Variants in DUS2 observed in about 807,000 individuals in gnomAD.
DUS2 encodes dihydrouridine synthase 2, also known as tRNA-dihydrouridine(20) synthase [NAD(P)+]-like.
DUS2 carries 52 observed loss-of-function variants against 71.3 expected under a neutral mutation model. The ratio of observed to expected loss-of-function variants is 0.73; its 90% CI spans 0.58 to 0.92. The LOEUF is 0.92. Among genes scored for constraint, DUS2 ranks in the 40% least tolerant of loss-of-function variants. DUS2 has a pLI of 0.00. For missense variants in DUS2, 558 were observed against 622.6 expected (o/e 0.90, Z 1.10); for synonymous variants, 204 against 227.8 (o/e 0.90, Z 0.94).
At chr16:68,037,902 AACT>A in intron 2 of DUS2, 101 bp from the exon 3 acceptor site, 1 of 1,182,340 alleles carries the variant, frequency 8.5e-7, no homozygotes, top group Non-Finnish European at 1.2e-6. Context: ...AGAAAATGAA[AACT>A]ACTGTGTGCT....
chr16:68,069,995 T>A, intron 10 of DUS2, 139 bp from the exon 11 acceptor site: 1 of 696,424 alleles, frequency 1.4e-6, no homozygotes, highest in South Asian at 1.6e-5. Context: ...TCCTGCCACC[T>A]GTCCTTGATT....
intron 3 of DUS2, among the ~76,000 whole-genome samples, chr16:68,044,783 GTTTTATTTTTATTTAC>G (rs1386292469): frequency 1.3e-5 from 2 of 151,768 alleles, no homozygotes; most frequent in African/African-American, 4.8e-5. Context: ...TTTCCTATGT[GTTTTATTTTTATTTAC>G]TTTTATTTTT....
At chr16:68,035,975 A>G (rs2033520158) in intron 2 of DUS2, among the ~76,000 whole-genome samples, 1 of 143,930 alleles carries the variant, frequency 6.9e-6, no homozygotes, top group Non-Finnish European at 1.5e-5. Context: ...TTATATATAT[A>G]TATACATATA....
At chr16:68,027,133 G>A (rs991000765) in intron 2 of DUS2, 1 of 152,126 alleles carries the variant, frequency 6.6e-6, no homozygotes, top group Non-Finnish European at 1.5e-5. Flanking sequence ...CCAAACTTGA[G>A]TGATAACAAA....
chr16:68,059,533 A>G (rs2033909921), intron 7 of DUS2, among the ~76,000 whole-genome samples: 1 of 152,146 alleles, frequency 6.6e-6, no homozygotes, highest in Non-Finnish European at 1.5e-5. Context: ...TTTATGACCA[A>G]TGTAGTCCAG....
intron 10 of DUS2, 27 bp from the exon 11 acceptor site, chr16:68,070,107 C>A: frequency 6.2e-7 from 1 of 1,605,444 alleles, no homozygotes; most frequent in Non-Finnish European, 8.5e-7. Context: ...GGTGCTTAGC[C>A]CTCAGCCCCA....
intron 12 of DUS2, among the ~76,000 whole-genome samples, chr16:68,073,328 A>G (rs919775682): frequency 1.3e-5 from 2 of 152,272 alleles, no homozygotes; most frequent in African/African-American, 4.8e-5. Flanking sequence ...GCTGGAGTGC[A>G]GTGGCATGAT....
At position 68,075,059 on chromosome 16, in the gene DUS2, A is replaced by G. The variant is rs546453188; in HGVS notation, c.933-296A>G. Among the ~76,000 whole-genome samples, 4 of 152,256 alleles carry G rather than the reference A, an allele frequency of 2.6e-5. No homozygotes were observed. The East Asian group carries it at 7.7e-4, about 29-fold the overall frequency. On this transcript the variant is annotated intron_variant, in intron 13 of 16. Coordinates refer to ENST00000565263, the MANE Select transcript of DUS2 (RefSeq NM_017803.5). ...TCAGTCACGGCTGGCTGGGGATACC[A>G]TCTGTGTGCTTCCCCTCAGGAGAGA...
chr16:68,076,216 C>T (rs928493977), intron 14 of DUS2, among the ~76,000 whole-genome samples: 1 of 152,154 alleles, frequency 6.6e-6, no homozygotes, highest in Admixed American at 6.5e-5. Flanking sequence ...TGACACTTGG[C>T]AGGCGGAATC....
chr16:68,042,928 G>T (rs1036282842), intron 3 of DUS2, among the ~76,000 whole-genome samples: 5 of 151,888 alleles, frequency 3.3e-5, no homozygotes, highest in African/African-American at 1.2e-4. Context: ...GACTGGTCTC[G>T]AACTCCTGGC....
At chr16:68,073,026 C>A (rs868057674) in intron 12 of DUS2, among the ~76,000 whole-genome samples, 5 of 152,162 alleles carry the variant, frequency 3.3e-5, no homozygotes, top group African/African-American at 1.2e-4. Context: ...AGAATCTCAC[C>A]CCTTTCCTGG....
chr16:68,053,094 C>T (rs2033803057), intron 4 of DUS2, among the ~76,000 whole-genome samples: 1 of 152,026 alleles, frequency 6.6e-6, no homozygotes, highest in Non-Finnish European at 1.5e-5. Flanking sequence ...TCTCGAGTAG[C>T]TAGGGTTACA....
At chr16:68,027,058 C>CA (rs2033361824) in intron 2 of DUS2, 1 of 152,080 alleles carries the variant, frequency 6.6e-6, no homozygotes, top group African/African-American at 2.4e-5. Flanking sequence ...GCAAGTTGGC[C>CA]AAAGGGCTTG....
chr16:68,028,591 A>T (rs2033391324), intron 2 of DUS2, among the ~76,000 whole-genome samples: 1 of 152,174 alleles, frequency 6.6e-6, no homozygotes. Flanking sequence ...GTGAGCTGAG[A>T]TCACGCCACT....
chr16:68,040,847 G>A (rs2151415168), intron 3 of DUS2, among the ~76,000 whole-genome samples: 1 of 152,200 alleles, frequency 6.6e-6, no homozygotes, highest in African/African-American at 2.4e-5. Context: ...GTTGATGTGA[G>A]GTGGCCCATC....
At chr16:68,026,770 G>A (rs922930804) in intron 2 of DUS2, among the ~76,000 whole-genome samples, 3 of 151,774 alleles carry the variant, frequency 2.0e-5, no homozygotes, top group Non-Finnish European at 4.4e-5. Context: ...CAGCTACTCG[G>A]GAGGCTGAAG....
rs190044846 is a variant in DUS2 at position 68,074,209 on chromosome 16, A to T, written c.932+54A>T. The T allele has an allele frequency of 4.2e-4, 681 of 1,607,842 alleles. 8 individuals carry two copies. In the African/African-American group the frequency reaches 8.1e-3, roughly 19 times the overall value. ...TCCTTGTACGCATTGCCCAAGTTTG[A>T]CTTTGAGCCCTAAGCTGACTCCACC... On this transcript the variant is annotated intron_variant, in intron 13 of 16. Transcript: ENST00000565263.
chr16:68,035,842 GTAGC>G (rs559791083), intron 2 of DUS2, among the ~76,000 whole-genome samples: 10 of 141,346 alleles, frequency 7.1e-5, no homozygotes, highest in Non-Finnish European at 1.5e-4. Flanking sequence ...AGCTTCCCGA[GTAGC>G]TAGGATTACA....
intron 3 of DUS2, among the ~76,000 whole-genome samples, chr16:68,046,769 C>T (rs531377936): frequency 2.4e-4 from 35 of 148,726 alleles, no homozygotes; most frequent in East Asian, 3.9e-4. Flanking sequence ...TTTTTTGAGA[C>T]GAAGTCTTGC....
Sources: allele counts gnomAD v4.1 joint callset (sites outside exome capture counted in the v4.1 genomes callset), GRCh38; gene constraint gnomAD v4.1.1; transcripts MANE v1.5; gene names NCBI Gene and HGNC (gene_info 2026-07-23, HGNC 2026-07-21).